The following GPC5 variants were observed in gnomAD, a reference collection of about 807,000 sequenced individuals.
GPC5 encodes glypican-5.
A neutral mutation model predicts 53.9 loss-of-function variants in GPC5; 47 were observed. The observed-to-expected ratio is 0.87, with a 90% CI of 0.69 to 1.11. GPC5 has a LOEUF of 1.11. GPC5 is among the 50% of genes most tolerant of loss of function. The pLI is 0.00. For synonymous variants in GPC5, 286 were observed against 263.3 expected (o/e 1.09, Z -0.84); for missense variants, 748 against 713.1 (o/e 1.05, Z -0.56).
chr13:91,462,969 A>G (rs531172096), intron 2 of GPC5, among the ~76,000 whole-genome samples: 31 of 152,202 alleles, frequency 2.0e-4, no homozygotes, highest in African/African-American at 7.2e-4. Context: ...AATATATTTA[A>G]TGATTGGTAC....
At chr13:92,046,697 A>C (rs1243736129) in intron 6 of GPC5, among the ~76,000 whole-genome samples, 1 of 152,218 alleles carries the variant, frequency 6.6e-6, no homozygotes, top group Non-Finnish European at 1.5e-5. Context: ...AATCCTACAA[A>C]TGTAAAGAGG....
intron 2 of GPC5, among the ~76,000 whole-genome samples, chr13:91,640,701 A>T (rs1381764040): frequency 6.6e-6 from 1 of 151,996 alleles, no homozygotes; most frequent in African/African-American, 2.4e-5. Context: ...CAGGAGTCTG[A>T]GGCAGGAGAA....
intron 2 of GPC5, among the ~76,000 whole-genome samples, chr13:91,463,160 C>G (rs1167429559): frequency 6.6e-6 from 1 of 152,064 alleles, no homozygotes; most frequent in Non-Finnish European, 1.5e-5. Context: ...ATAACCTACT[C>G]AAATCCTCCC....
chr13:92,064,973 T>C (rs2041156804), intron 6 of GPC5, among the ~76,000 whole-genome samples: 1 of 151,976 alleles, frequency 6.6e-6, no homozygotes, highest in Non-Finnish European at 1.5e-5. Context: ...AATACAACAA[T>C]CAGCATAATT....
intron 7 of GPC5, among the ~76,000 whole-genome samples, chr13:92,521,993 A>G (rs990493388): frequency 1.3e-5 from 2 of 152,230 alleles, no homozygotes; most frequent in African/African-American, 4.8e-5. Flanking sequence ...TTCTCAAAAG[A>G]AGACATTTAT....
chr13:91,985,098 C>A (rs548586830), intron 6 of GPC5, among the ~76,000 whole-genome samples: 32 of 152,220 alleles, frequency 2.1e-4, no homozygotes, highest in South Asian at 2.1e-4. Context: ...TTTACATTTA[C>A]TTTTTTCCAC....
intron 6 of GPC5, among the ~76,000 whole-genome samples, chr13:92,037,887 T>C (rs2040906384): frequency 6.6e-6 from 1 of 152,158 alleles, no homozygotes; most frequent in Non-Finnish European, 1.5e-5. Flanking sequence ...GGGCAGATAC[T>C]AGAAGATTTT....
intron 7 of GPC5, among the ~76,000 whole-genome samples, chr13:92,725,311 C>T (rs1338920256): frequency 6.6e-6 from 1 of 151,296 alleles, no homozygotes; most frequent in Non-Finnish European, 1.5e-5. Context: ...TTTAAGAGTA[C>T]CCTCCGTTAT....
At chr13:92,341,972 A>T (rs2043370647) in intron 7 of GPC5, among the ~76,000 whole-genome samples, 1 of 152,154 alleles carries the variant, frequency 6.6e-6, no homozygotes, top group African/African-American at 2.4e-5. Context: ...TACGTAGGAC[A>T]TACAAGCTCA....
chr13:91,838,242 C>T (rs991328283), intron 5 of GPC5, among the ~76,000 whole-genome samples: 6 of 152,056 alleles, frequency 3.9e-5, no homozygotes, highest in Admixed American at 2.0e-4. Flanking sequence ...TGTCCCCTGC[C>T]ATCCCCGCTG....
At chr13:91,597,640 A>G (rs1209310457) in intron 2 of GPC5, among the ~76,000 whole-genome samples, 1 of 152,188 alleles carries the variant, frequency 6.6e-6, no homozygotes, top group East Asian at 1.9e-4. Context: ...ACAGGGAACA[A>G]TTTATTTTTG....
chr13:92,421,629 G>A (rs1876566703), intron 7 of GPC5, among the ~76,000 whole-genome samples: 1 of 147,882 alleles, frequency 6.8e-6, no homozygotes, highest in Non-Finnish European at 1.5e-5. Flanking sequence ...AACCCTGGAG[G>A]AGGAGCTTGC....
chr13:92,341,583 G>GTGAGT (rs1228141099), intron 7 of GPC5, among the ~76,000 whole-genome samples: 1 of 151,902 alleles, frequency 6.6e-6, no homozygotes, highest in Non-Finnish European at 1.5e-5. Flanking sequence ...TAATTAAGAG[G>GTGAGT]TGAGTTGCTG....
intron 7 of GPC5, among the ~76,000 whole-genome samples, chr13:92,803,968 G>T (rs1877002804): frequency 6.6e-6 from 1 of 151,966 alleles, no homozygotes; most frequent in Non-Finnish European, 1.5e-5. Context: ...CCAGAGTTGA[G>T]TTTTAAAGAG....
chr13:92,097,225 G>A (rs1461743141), intron 6 of GPC5, among the ~76,000 whole-genome samples: 1 of 152,128 alleles, frequency 6.6e-6, no homozygotes, highest in African/African-American at 2.4e-5. Flanking sequence ...CACATAAATT[G>A]TACATTTAGC....
At position 91,596,515 on chromosome 13, in the gene GPC5, A is replaced by AT. The variant is rs2032999897; in HGVS notation, c.326-96670dup. Among the ~76,000 whole-genome samples the AT allele has an allele frequency of 2.0e-5, 3 of 152,190 alleles. No homozygotes were observed. In the Middle Eastern group the frequency reaches 0.01, roughly 518 times the overall value. ...TTTGATTATGAGTTGTGTTTTCCTT[A>AT]TTGTTTGCATGCCTCATAGTTTTTG... On this transcript the variant is annotated intron_variant, in intron 2 of 7. Coordinates refer to ENST00000377067, the MANE Select transcript of GPC5 (RefSeq NM_004466.6).
chr13:92,702,592 T>C (rs1015447864), intron 7 of GPC5, among the ~76,000 whole-genome samples: 2 of 152,050 alleles, frequency 1.3e-5, no homozygotes, highest in African/African-American at 4.8e-5. Flanking sequence ...TATCCAGTCA[T>C]TTTTCATCAC....
intron 6 of GPC5, among the ~76,000 whole-genome samples, chr13:92,033,035 TCGTGTG>T (rs148515111): frequency 4.5e-4 from 35 of 77,908 alleles, no homozygotes; most frequent in African/African-American, 1.4e-3. Flanking sequence ...CTAGTTATTG[TCGTGTG>T]TGTGTGTGTG....
At chr13:92,721,804 G>C (rs1466602070) in intron 7 of GPC5, among the ~76,000 whole-genome samples, 1 of 151,902 alleles carries the variant, frequency 6.6e-6, no homozygotes, top group African/African-American at 2.4e-5. Flanking sequence ...GATAACAGAG[G>C]GGGGTTCATA....
Sources: allele counts gnomAD v4.1 joint callset (sites outside exome capture counted in the v4.1 genomes callset), GRCh38; gene constraint gnomAD v4.1.1; transcripts MANE v1.5; gene names NCBI Gene and HGNC (gene_info 2026-07-23, HGNC 2026-07-21).